ZFYVE26: variants seen among roughly 807,000 people sequenced by gnomAD.
ZFYVE26 encodes zinc finger FYVE-type containing 26.
In ZFYVE26, 181 loss-of-function variants were observed where a neutral mutation model predicts 276.5. The observed-to-expected ratio is 0.65, with a 90% CI of 0.58 to 0.74. ZFYVE26 has a LOEUF of 0.74. ZFYVE26 is among the 30% of genes least tolerant of loss of function. The probability of loss-of-function intolerance (pLI) is 0.00; values close to 1 mark genes in which losing one functional copy is unlikely to be tolerated. For synonymous variants in ZFYVE26, 1,129 were observed against 1,203.1 expected, an observed-to-expected ratio of 0.94 and a Z score of 1.27; for missense variants, 2,821 against 3,097.9, an observed-to-expected ratio of 0.91 and a Z score of 2.12.
chr14:67,779,649 G>C (rs906531664), intron 23 of ZFYVE26, among the ~76,000 whole-genome samples: 1 of 152,286 alleles, frequency 6.6e-6, no homozygotes, highest in Middle Eastern at 3.4e-3. Flanking sequence ...ACTGGGGTGA[G>C]TGTTTTGAAG....
intron 3 of ZFYVE26, among the ~76,000 whole-genome samples, chr14:67,810,095 C>T (rs929735090): frequency 1.3e-5 from 2 of 152,178 alleles, no homozygotes; most frequent in Non-Finnish European, 2.9e-5. Flanking sequence ...AGATACTATT[C>T]TTTATAAACA....
At chr14:67,801,183 G>A (rs559296419) in intron 10 of ZFYVE26, among the ~76,000 whole-genome samples, 271 of 151,980 alleles carry the variant, frequency 1.8e-3, no homozygotes, top group African/African-American at 6.1e-3. Flanking sequence ...CCCAGGAGGC[G>A]GAGGTTGCAG....
Position 67,806,435 on chromosome 14 carries a change from C to G in ZFYVE26, c.1017+110G>C, listed in dbSNP as rs1424765702. 5 of 1,414,260 alleles carry G rather than the reference C, an allele frequency of 3.5e-6. No individual in the cohort carries two copies. The Admixed American group carries it at 7.1e-5, about 20-fold the overall frequency. 87.6% of individuals were successfully genotyped at this position (1,414,260 alleles called of 1,614,324 possible). On this transcript the variant is annotated intron_variant, in intron 6 of 41. Transcript: ENST00000347230. Reference sequence around the variant, plus strand: ...AGGGACAAAACCAAATGACTCAACACTAATTAGACTGCTTTATGGTGGCCA... The same window carrying G: ...AGGGACAAAACCAAATGACTCAACAGTAATTAGACTGCTTTATGGTGGCCA...
intron 12 of ZFYVE26, among the ~76,000 whole-genome samples, chr14:67,794,701 T>C (rs539006087): frequency 1.3e-4 from 20 of 152,264 alleles, no homozygotes; most frequent in East Asian, 5.8e-4. Flanking sequence ...TCCCAGCACG[T>C]TGGGAGGCCG....
chr14:67,784,347 C>T lies in ZFYVE26; in HGVS notation c.3613G>A (p.Val1205Ile). Residue 1205 changes from valine to isoleucine, a missense_variant, in exon 20 of 42, where the codon GTT becomes ATT. Coordinates refer to ENST00000347230, the MANE Select transcript of ZFYVE26 (RefSeq NM_015346.4). Reference protein sequence around the residue: ...LVSHLLFERQVPPERLAALLA... With the variant: ...LVSHLLFERQIPPERLAALLA... ...GGTGGCTCCTACCTCTCTGGGGGAA[C>T]TTGTCTCTCAAACAGGAGATGTGAC... The T allele has an allele frequency of 6.2e-7, 1 of 1,614,084 alleles. No homozygotes were observed. Among genetic ancestry groups the T allele is most frequent in the East Asian group, 2.2e-5 (1 of 44,882 alleles).
chr14:67,729,142 C>T (rs1171210510), intron 14 of ZFYVE26: 3 of 1,587,016 alleles, frequency 1.9e-6, no homozygotes, highest in Middle Eastern at 1.8e-4. Context: ...AAGCTGTTTT[C>T]CTGGGCTCAG....
chr14:67,757,198 C>G (rs2038800464), intron 35 of ZFYVE26, among the ~76,000 whole-genome samples: 1 of 152,194 alleles, frequency 6.6e-6, no homozygotes, highest in African/African-American at 2.4e-5. Context: ...AGCTTCCATT[C>G]TTACCTCTTG....
chr14:67,768,599 T>A, intron 29 of ZFYVE26, 51 bp from the exon 30 acceptor site: 1 of 1,580,578 alleles, frequency 6.3e-7, no homozygotes, highest in Non-Finnish European at 8.7e-7. Flanking sequence ...GTCACTTCTT[T>A]GTTTTGAGCT....
At chr14:67,760,152 G>A (rs999893282) in intron 35 of ZFYVE26, among the ~76,000 whole-genome samples, 1 of 152,176 alleles carries the variant, frequency 6.6e-6, no homozygotes, top group Non-Finnish European at 1.5e-5. Context: ...ACAGCTGTCA[G>A]AGGGAACGGA....
At chr14:67,759,063 C>T (rs1193288036) in intron 35 of ZFYVE26, among the ~76,000 whole-genome samples, 1 of 150,844 alleles carries the variant, frequency 6.6e-6, no homozygotes, top group African/African-American at 2.4e-5. Context: ...CATGGTGAAA[C>T]CCCGTCTCTA....
chr14:67,794,747 C>T (rs2039910644), intron 12 of ZFYVE26, among the ~76,000 whole-genome samples: 1 of 152,076 alleles, frequency 6.6e-6, no homozygotes, highest in African/African-American at 2.4e-5. Flanking sequence ...GAGTTTGAGA[C>T]CAGCCTGGGC....
chr14:67,775,033 G>C lies in ZFYVE26; in HGVS notation c.5303C>G (p.Ser1768Cys), dbSNP rs757960418. Residue 1768 changes from serine (S) to cysteine (C), a missense_variant, in exon 27 of 42, where the codon TCT becomes TGT. Ser to Cys is a moderately radical substitution (Grantham distance 112, BLOSUM62 -1). Transcript: ENST00000347230. The stretch of plus-strand genomic sequence containing the variant: ...GTTCTTACCAGGAGGAGCAGCAGGA[G>C]AGAACTCTGCTGATGGTGATCTAGG... ...TLPRSPSAEF[S>C]PAAPPGISSI... is the part of the protein sequence containing the mutation. 1.2e-6 allele frequency: 2 copies of C among 1,611,166 alleles called. No individual in the cohort carries two copies. Among genetic ancestry groups the C allele is most frequent in the Admixed American group, 3.3e-5 (2 of 59,722 alleles).
intron 10 of ZFYVE26, among the ~76,000 whole-genome samples, chr14:67,800,671 T>C (rs2040058001): frequency 6.6e-6 from 1 of 152,108 alleles, no homozygotes; most frequent in Non-Finnish European, 1.5e-5. Context: ...TCTATGTAGA[T>C]GAGTTGGTAT....
intron 13 of ZFYVE26, among the ~76,000 whole-genome samples, chr14:67,731,213 T>A (rs1425610380): frequency 1.4e-5 from 2 of 139,414 alleles, no homozygotes; most frequent in Admixed American, 7.1e-5. Flanking sequence ...CTTTCTTTTT[T>A]TTTTTTTTTT....
intron 14 of ZFYVE26, among the ~76,000 whole-genome samples, chr14:67,791,120 A>C (rs1035523442): frequency 6.6e-6 from 1 of 152,242 alleles, no homozygotes; most frequent in Non-Finnish European, 1.5e-5. Flanking sequence ...CAAAGCACAA[A>C]AATAAATCCT....
chr14:67,741,338 T>C (rs1396578248), intron 13 of ZFYVE26, among the ~76,000 whole-genome samples: 1 of 152,184 alleles, frequency 6.6e-6, no homozygotes. Flanking sequence ...TGCATTCTGG[T>C]GAAATATAAG....
intron 34 of ZFYVE26, 107 bp from the exon 35 acceptor site, chr14:67,761,691 C>T: frequency 1.1e-6 from 1 of 916,142 alleles, no homozygotes; most frequent in Non-Finnish European, 1.7e-6. Context: ...ACCAACATGG[C>T]ACATGTATAC....
chr14:67,776,813 T>C (rs1051546631), intron 25 of ZFYVE26, among the ~76,000 whole-genome samples: 3 of 152,230 alleles, frequency 2.0e-5, no homozygotes, highest in Admixed American at 6.5e-5. Flanking sequence ...GAACATGTTA[T>C]GTAGTTCAAC....
At chr14:67,783,948 T>C (rs2039580404) in intron 20 of ZFYVE26, among the ~76,000 whole-genome samples, 1 of 152,266 alleles carries the variant, frequency 6.6e-6, no homozygotes, top group South Asian at 2.1e-4. Flanking sequence ...TCAAAGGGCA[T>C]ATGAATTTGC....
Sources: allele counts gnomAD v4.1 joint callset (sites outside exome capture counted in the v4.1 genomes callset), GRCh38; gene constraint gnomAD v4.1.1; transcripts MANE v1.5; gene names NCBI Gene and HGNC (gene_info 2026-07-23, HGNC 2026-07-21).